Variants in FKBP1B observed in about 807,000 individuals in gnomAD.
FKBP1B encodes peptidyl-prolyl cis-trans isomerase FKBP1B.
FKBP1B carries 4 observed loss-of-function variants against 13.5 expected under a neutral mutation model. The observed-to-expected ratio is 0.30, with a 90% CI of 0.15 to 0.68. The LOEUF (loss-of-function observed/expected upper bound fraction) is 0.68. FKBP1B is among the 30% of genes least tolerant of loss of function. FKBP1B has a pLI of 0.76. For synonymous variants in FKBP1B, 54 were observed against 53.6 expected (o/e 1.01, Z -0.03); for missense variants, 93 against 136.2 (o/e 0.68, Z 1.58).
chr2:24,035,647 G>A, the FKBP1B span, among the ~76,000 whole-genome samples: 14 of 152,184 alleles, frequency 9.2e-5, no homozygotes, highest in Non-Finnish European at 1.3e-4. Context: ...GGGTGCAGTG[G>A]CTCACACCTG....
the FKBP1B span, among the ~76,000 whole-genome samples, chr2:24,034,394 T>C: frequency 3.3e-5 from 5 of 152,162 alleles, no homozygotes; most frequent in Admixed American, 2.6e-4. Context: ...CACTCCGGCC[T>C]GGGTGACAAA....
chr2:24,057,998 A>C (rs1158721872), intron 2 of FKBP1B, among the ~76,000 whole-genome samples: 4 of 151,954 alleles, frequency 2.6e-5, no homozygotes, highest in Non-Finnish European at 5.9e-5. Flanking sequence ...GGAGTTCGAG[A>C]CCAGCCTTGC....
chr2:24,056,682 G>A (rs1664143000), intron 2 of FKBP1B, among the ~76,000 whole-genome samples: 1 of 151,904 alleles, frequency 6.6e-6, no homozygotes, highest in Admixed American at 6.6e-5. Context: ...TAGAAAATTA[G>A]GTTGTCTTTT....
chr2:24,038,707 TC>T, the FKBP1B span: 1 of 1,614,216 alleles, frequency 6.2e-7, no homozygotes, highest in African/African-American at 1.3e-5. Context: ...ATCAGTTGCC[TC>T]TTTATCCATA....
At chr2:24,039,738 T>C in the FKBP1B span, among the ~76,000 whole-genome samples, 1 of 152,204 alleles carries the variant, frequency 6.6e-6, no homozygotes, top group African/African-American at 2.4e-5. Context: ...TGAAGATTTT[T>C]AGAACTGGGG....
rs116520786 is a variant in FKBP1B at position 24,049,775 on chromosome 2, C to T, written c.-75C>T. 0.18 allele frequency: 221,375 copies of T among 1,205,680 alleles called. 21,757 individuals carry two copies. The highest frequency in any genetic ancestry group is 0.2 in the Non-Finnish European group (188,282 of 946,736). The allele number at this position is 1,205,680 out of a possible 1,614,324, so 74.7% of individuals were successfully genotyped here. A position where few individuals can be genotyped will look rare whatever the true frequency, so the allele number is the denominator to read the frequency against. ...GCGAGGAGGCGAGCCGGAGCGACGGCGGGGCTGGGGCCGGAGCCGAGCCGG... is the reference window on the plus strand; with the variant it reads ...GCGAGGAGGCGAGCCGGAGCGACGGTGGGGCTGGGGCCGGAGCCGAGCCGG... On this transcript the variant is annotated 5_prime_UTR_variant, in exon 1 of 4. Transcript: ENST00000380986.
At chr2:24,049,947 G>A (rs1215795268) in intron 1 of FKBP1B, 61 bp downstream of exon 1, 15 of 1,318,328 alleles carry the variant, frequency 1.1e-5, no homozygotes, top group Non-Finnish European at 1.4e-5. Context: ...CCCGGAGGGC[G>A]GGGGTCTGAT....
the FKBP1B span, chr2:24,038,878 A>G: frequency 1.9e-6 from 3 of 1,614,274 alleles, no homozygotes; most frequent in East Asian, 6.7e-5. Flanking sequence ...GATGGAGCAG[A>G]CGTGGCTGTC....
intron 2 of FKBP1B, among the ~76,000 whole-genome samples, 160 bp from the exon 3 acceptor site, chr2:24,060,654 G>A (rs750367895): frequency 2.0e-5 from 3 of 152,188 alleles, no homozygotes; most frequent in Non-Finnish European, 4.4e-5. Context: ...GAGGCAGAAG[G>A]AAGTGTCCAG....
chr2:24,050,002 G>C lies in FKBP1B; in HGVS notation c.37+116G>C. 1 of 766,698 alleles carries C rather than the reference G, an allele frequency of 1.3e-6. No homozygotes were observed. The highest frequency in any genetic ancestry group is 1.8e-6 in the Non-Finnish European group (1 of 554,134). The allele number at this position is 766,698 out of a possible 1,614,324, so 47.5% of individuals were successfully genotyped here. A position where few individuals can be genotyped will look rare whatever the true frequency, so the allele number is the denominator to read the frequency against. On this transcript the variant is annotated intron_variant, in intron 1 of 3. Coordinates refer to ENST00000380986, the MANE Select transcript of FKBP1B (RefSeq NM_004116.5). The surrounding 1 kb of genome is among the most constrained non-coding windows in gnomAD (Gnocchi z 5.8). ...TGCTGAAGGGTCGGGGGGCTGGATG[G>C]GGAAGGCAGGCGGAGACGCCGGACG...
chr2:24,055,696 T>C (rs1194995797), intron 2 of FKBP1B, among the ~76,000 whole-genome samples: 1 of 152,266 alleles, frequency 6.6e-6, no homozygotes, highest in Non-Finnish European at 1.5e-5. Context: ...TTGCAATTTA[T>C]GTATCCTCTC....
chr2:24,041,333 C>CT, the FKBP1B span, among the ~76,000 whole-genome samples: 2 of 147,182 alleles, frequency 1.4e-5, no homozygotes, highest in African/African-American at 5.0e-5. Flanking sequence ...GAGCAAAACT[C>CT]TATCTCCAAA....
upstream of FKBP1B, among the ~76,000 whole-genome samples, chr2:24,049,070 G>C (rs1558340263): frequency 6.6e-6 from 1 of 152,148 alleles, no homozygotes; most frequent in Non-Finnish European, 1.5e-5. Context: ...GATCCAGGAC[G>C]CCTAGCGAGG....
chr2:24,063,101 CT>C lies in FKBP1B; in HGVS notation c.237del (p.Asp80MetfsTer28), dbSNP rs1664473641. The C allele has an allele frequency of 6.2e-7, 1 of 1,614,024 alleles. No homozygotes were observed. ...LGQRAKLTCT[P>X]DVAYGATGHP... is the part of the protein sequence containing the mutation. ...CAGAGGGCGAAGCTGACCTGCACCC[CT>C]GATGTGGCATATGGAGCCACGGGCC... On this transcript the variant is annotated frameshift_variant, in exon 4 of 4. Coordinates refer to ENST00000380986, the MANE Select transcript of FKBP1B (RefSeq NM_004116.5). LOFTEE classifies it high-confidence loss of function.
upstream of FKBP1B, among the ~76,000 whole-genome samples, chr2:24,049,336 T>A (rs1036827746): frequency 6.6e-6 from 1 of 152,012 alleles, no homozygotes; most frequent in East Asian, 1.9e-4. Context: ...GCCACTGGAC[T>A]CCAGCCTGGG....
At chr2:24,059,372 T>TGGGC (rs1553320913) in intron 2 of FKBP1B, among the ~76,000 whole-genome samples, 8 of 144,476 alleles carry the variant, frequency 5.5e-5, no homozygotes, top group African/African-American at 2.2e-4. Context: ...GACCAGCACC[T>TGGGC]GGGGGGGGGT....
chr2:24,051,049 C>T lies in FKBP1B; in HGVS notation c.37+1163C>T, dbSNP rs80225248. Reference sequence around the variant, plus strand: ...CCCTTTCTATATCATAGCCTGAAGACTCTTCTTAAAATGCAGTGGCTCACG... The same window carrying T: ...CCCTTTCTATATCATAGCCTGAAGATTCTTCTTAAAATGCAGTGGCTCACG... On this transcript the variant is annotated intron_variant, in intron 1 of 3. Coordinates refer to ENST00000380986, the MANE Select transcript of FKBP1B (RefSeq NM_004116.5). 7.5e-3 allele frequency among the ~76,000 whole-genome samples: 1,138 copies of T among 152,284 alleles called. 5 individuals carry two copies. The highest frequency in any genetic ancestry group is 0.026 in the African/African-American group (1,085 of 41,550).
intron 2 of FKBP1B, among the ~76,000 whole-genome samples, chr2:24,058,402 GA>G (rs36065843): frequency 2.7e-5 from 4 of 150,894 alleles, no homozygotes; most frequent in East Asian, 1.9e-4. Context: ...CTTAATGCAA[GA>G]AAAAAAAACC....
intron 2 of FKBP1B, 113 bp from the exon 3 acceptor site, chr2:24,060,701 C>A: frequency 1.4e-6 from 1 of 717,866 alleles, no homozygotes; most frequent in Non-Finnish European, 2.4e-6. Flanking sequence ...TGGGGAGGAT[C>A]GGAAGAGGAG....
Sources: gnomAD v4.1 joint callset for allele counts (sites outside exome capture counted in the v4.1 genomes callset) on GRCh38, gnomAD v4.1.1 for gene constraint, Gnocchi (gnomAD v3.1) non-coding constraint, MANE v1.5 for transcripts, NCBI Gene and HGNC (gene_info 2026-07-23, HGNC 2026-07-21) for gene names.